The following EPHA6 variants were observed in gnomAD, a reference collection of about 807,000 sequenced individuals.
The protein encoded by EPHA6 is EPH receptor A6, also known as ephrin type-A receptor 6.
A neutral mutation model predicts 112.0 loss-of-function variants in EPHA6; 50 were observed. That is an observed-to-expected ratio of 0.45 (90% CI 0.36 to 0.56). The LOEUF (loss-of-function observed/expected upper bound fraction) is 0.56. Ranked by LOEUF, EPHA6 falls within the 20% of genes least tolerant of loss-of-function variation. The pLI is 0.00. For synonymous variants in EPHA6, 529 were observed against 490.7 expected (o/e 1.08, Z -1.03); for missense variants, 1,280 against 1,417.4 (o/e 0.90, Z 1.56).
intron 2 of EPHA6, among the ~76,000 whole-genome samples, chr3:96,958,868 C>A (rs2041858999): frequency 6.6e-6 from 1 of 152,190 alleles, no homozygotes; most frequent in Non-Finnish European, 1.5e-5. Context: ...TTCCCGAATA[C>A]TATTCAATTG....
intron 11 of EPHA6, among the ~76,000 whole-genome samples, chr3:97,562,717 G>A (rs2093208701): frequency 6.6e-6 from 1 of 152,140 alleles, no homozygotes; most frequent in African/African-American, 2.4e-5. Flanking sequence ...GTAAAATGCT[G>A]TCAAACAGCA....
At chr3:97,234,657 C>A (rs1223013154) in intron 4 of EPHA6, among the ~76,000 whole-genome samples, 8 of 152,088 alleles carry the variant, frequency 5.3e-5, no homozygotes. Context: ...TCCTAATTTT[C>A]TGATCATTTT....
chr3:97,451,677 T>G (rs1259707894), intron 7 of EPHA6, among the ~76,000 whole-genome samples: 1 of 150,556 alleles, frequency 6.6e-6, no homozygotes, highest in Non-Finnish European at 1.5e-5. Context: ...CAATGAATAA[T>G]GCCATAGTAG....
At chr3:96,819,749 A>C (rs1173480390) in intron 1 of EPHA6, among the ~76,000 whole-genome samples, 2 of 152,128 alleles carry the variant, frequency 1.3e-5, no homozygotes, top group Non-Finnish European at 2.9e-5. Context: ...TCAGACTGAC[A>C]TTTAAACAAA....
At chr3:97,477,435 AGGAAG>A (rs1233924808) in intron 8 of EPHA6, among the ~76,000 whole-genome samples, 10 of 115,386 alleles carry the variant, frequency 8.7e-5, no homozygotes, top group East Asian at 2.9e-4. Context: ...AGAAAGAGAG[AGGAAG>A]GGAAGGGAAG....
rs576621458 is a variant in EPHA6 at position 96,999,526 on chromosome 3, T to TA, written c.1114+11534dup. On this transcript the variant is annotated intron_variant, in intron 3 of 17. Coordinates refer to ENST00000389672, the MANE Select transcript of EPHA6 (RefSeq NM_001080448.3). ...TCTCCTATCACATACCAACAATGACTACAGTATATGGCTACACATAACACA... is the reference window on the plus strand; with the variant it reads ...TCTCCTATCACATACCAACAATGACTAACAGTATATGGCTACACATAACACA... 1.4e-3 allele frequency among the ~76,000 whole-genome samples: 151 copies of TA among 106,568 alleles called. 2 individuals carry two copies. The highest frequency in any genetic ancestry group is 4.8e-3 in the South Asian group (19 of 3,956). 69.9% of individuals were successfully genotyped at this position (106,568 alleles called of 152,430 possible).
At chr3:96,866,375 T>G (rs571799707) in intron 1 of EPHA6, among the ~76,000 whole-genome samples, 1 of 151,902 alleles carries the variant, frequency 6.6e-6, no homozygotes, top group Non-Finnish European at 1.5e-5. Flanking sequence ...TCAAAATGAG[T>G]TTTTTTAATA....
intron 7 of EPHA6, among the ~76,000 whole-genome samples, chr3:97,467,583 G>A (rs899505143): frequency 6.6e-6 from 1 of 151,742 alleles, no homozygotes; most frequent in African/African-American, 2.4e-5. Context: ...AATTTGTATG[G>A]AAATCCTATT....
intron 2 of EPHA6, among the ~76,000 whole-genome samples, chr3:96,976,965 A>G (rs959760358): frequency 6.6e-6 from 1 of 152,124 alleles, no homozygotes; most frequent in East Asian, 1.9e-4. Flanking sequence ...CAGGGAAAAG[A>G]CACAGCTTGT....
chr3:97,038,977 C>T (rs2045214646), intron 3 of EPHA6, among the ~76,000 whole-genome samples: 1 of 151,966 alleles, frequency 6.6e-6, no homozygotes, highest in Admixed American at 6.6e-5. Context: ...ACTGTATATT[C>T]GGTTTTGGTT....
At chr3:97,105,148 A>G (rs1426069117) in intron 3 of EPHA6, among the ~76,000 whole-genome samples, 1 of 146,968 alleles carries the variant, frequency 6.8e-6, no homozygotes, top group Non-Finnish European at 1.5e-5. Flanking sequence ...TTCCACTCTG[A>G]ATTTGTTTAT....
At chr3:97,676,500 A>G (rs1205490764) in intron 14 of EPHA6, among the ~76,000 whole-genome samples, 3 of 152,220 alleles carry the variant, frequency 2.0e-5, no homozygotes, top group African/African-American at 7.2e-5. Context: ...GAAACTAGGA[A>G]GTATAAATAA....
intron 7 of EPHA6, among the ~76,000 whole-genome samples, chr3:97,457,427 T>C (rs761273692): frequency 6.6e-6 from 1 of 152,156 alleles, no homozygotes. Context: ...ATCCACATGG[T>C]AATCCGTTAT....
chr3:97,653,847 G>A (rs569403584), intron 14 of EPHA6, among the ~76,000 whole-genome samples: 1 of 151,914 alleles, frequency 6.6e-6, no homozygotes, highest in African/African-American at 2.4e-5. Context: ...GCAAAACATA[G>A]ATGAACGTAG....
intron 3 of EPHA6, among the ~76,000 whole-genome samples, chr3:97,000,923 T>C (rs1308269038): frequency 6.6e-6 from 1 of 150,652 alleles, no homozygotes; most frequent in African/African-American, 2.4e-5. Context: ...CCTTCCTAAA[T>C]CTGTGGTTCT....
Position 97,472,486 on chromosome 3 carries a change from G to A in EPHA6, c.1895-2866G>A, listed in dbSNP as rs1389425113. Among the ~76,000 whole-genome samples the A allele has an allele frequency of 2.0e-5, 3 of 151,736 alleles. No individual in the cohort carries two copies. The East Asian group carries it at 5.8e-4, about 29-fold the overall frequency. On this transcript the variant is annotated intron_variant, in intron 7 of 17. Coordinates refer to ENST00000389672, the MANE Select transcript of EPHA6 (RefSeq NM_001080448.3). ...GCTTAAAGAATGATAAGATGTATCT[G>A]AAGACATACGCTAGAGCCATTTGTA...
chr3:97,248,864 T>G (rs1283805350), intron 5 of EPHA6, among the ~76,000 whole-genome samples: 2 of 152,142 alleles, frequency 1.3e-5, no homozygotes, highest in Non-Finnish European at 2.9e-5. Context: ...ACAGTCTATT[T>G]CAAATGCCAA....
At chr3:97,390,435 T>G (rs934300214) in intron 5 of EPHA6, among the ~76,000 whole-genome samples, 1 of 151,616 alleles carries the variant, frequency 6.6e-6, no homozygotes, top group African/African-American at 2.4e-5. Flanking sequence ...ATATGTATAT[T>G]CCAGAAGGAA....
At chr3:97,644,918 TC>T (rs1278282534) in intron 14 of EPHA6, among the ~76,000 whole-genome samples, 1 of 151,872 alleles carries the variant, frequency 6.6e-6, no homozygotes, top group Non-Finnish European at 1.5e-5. Context: ...AAAGAGGGAA[TC>T]CTCCCTAACT....
Sources: allele counts gnomAD v4.1 joint callset (sites outside exome capture counted in the v4.1 genomes callset), GRCh38; gene constraint gnomAD v4.1.1; transcripts MANE v1.5; gene names NCBI Gene and HGNC (gene_info 2026-07-23, HGNC 2026-07-21).